The following C6orf132 variants were observed in gnomAD, a reference collection of about 807,000 sequenced individuals.
C6orf132 encodes uncharacterized protein C6orf132.
C6orf132 carries 43 observed loss-of-function variants against 65.3 expected under a neutral mutation model. The observed-to-expected ratio is 0.66, with a 90% confidence interval of 0.52 to 0.85. C6orf132 has a LOEUF of 0.85. Among genes scored for constraint, C6orf132 ranks in the 40% least tolerant of loss-of-function variants. The pLI is 0.00. For synonymous variants in C6orf132, 631 were observed against 654.1 expected, an observed-to-expected ratio of 0.96 and a Z score of 0.54; for missense variants, 1,488 against 1,548.8, an observed-to-expected ratio of 0.96 and a Z score of 0.66.
At chr6:42,115,739 A>G (rs555449614) in intron 2 of C6orf132, among the ~76,000 whole-genome samples, 1 of 152,244 alleles carries the variant, frequency 6.6e-6, no homozygotes, top group South Asian at 2.1e-4. Flanking sequence ...AAAACAGAAG[A>G]CAAGAAATCA....
At chr6:42,122,106 T>A (rs1322761075) in intron 2 of C6orf132, among the ~76,000 whole-genome samples, 2 of 152,182 alleles carry the variant, frequency 1.3e-5, no homozygotes, top group African/African-American at 4.8e-5. Context: ...CCCCACACTG[T>A]GCCACAGCTC....
At position 42,142,431 on chromosome 6, in the gene C6orf132, T is replaced by C; in HGVS notation, c.14A>G (p.Gln5Arg). ...TTTGCTGAAGGTGCCCTGCACCGTCTGCTTCTTTTTCATGCTGCCGCAGCC... is the reference window on the plus strand; with the variant it reads ...TTTGCTGAAGGTGCCCTGCACCGTCCGCTTCTTTTTCATGCTGCCGCAGCC... MKKK[Q>R]TVQGTFSKLF... Residue 5 changes from glutamine (Q) to arginine (R), a missense_variant, in exon 1 of 5, where the codon CAG (glutamine) becomes CGG (arginine). By Grantham distance (43) the Gln-to-Arg change is conservative. Transcript: ENST00000341865. 1 of 1,551,070 alleles carries C rather than the reference T, an allele frequency of 6.4e-7. No homozygotes were observed. The highest frequency in any genetic ancestry group is 8.7e-7 in the Non-Finnish European group (1 of 1,146,648).
intron 1 of C6orf132, among the ~76,000 whole-genome samples, chr6:42,131,277 T>A (rs548219636): frequency 2.2e-4 from 33 of 152,352 alleles, no homozygotes; most frequent in African/African-American, 7.9e-4. Context: ...CACCTCAGCA[T>A]CCCAAACTGC....
rs1766408222 is a variant in C6orf132 at position 42,106,415 on chromosome 6, C to G, written c.1497G>C (p.Gln499His). 6.5e-7 allele frequency: 1 copy of G among 1,535,986 alleles called. No homozygotes were observed. The highest frequency in any genetic ancestry group is 8.7e-7 in the Non-Finnish European group (1 of 1,146,848). The change falls in exon 4 of 5, where the codon CAG becomes CAC. Residue 499 changes from glutamine (Q) to histidine (H), a missense_variant. Physicochemically the swap from Gln to His is conservative, Grantham distance 24. Coordinates refer to ENST00000341865, the MANE Select transcript of C6orf132 (RefSeq NM_001164446.3). ...GGGGGCCCTTCTTGCCCTCCTTGCTCTGAGGGGCCACTGTTGGGCCTGGCC... is the reference window on the plus strand; with the variant it reads ...GGGGGCCCTTCTTGCCCTCCTTGCTGTGAGGGGCCACTGTTGGGCCTGGCC... The part of the protein sequence containing the change: ...SHRPGPTVAP[Q>H]SKEGKKGPRL...
intron 2 of C6orf132, among the ~76,000 whole-genome samples, chr6:42,119,394 G>T (rs1014761510): frequency 7.7e-6 from 1 of 129,900 alleles, no homozygotes; most frequent in Non-Finnish European, 1.6e-5. Context: ...GCCCCGGCTG[G>T]AGTTCAGTGG....
chr6:42,104,826 C>A lies in C6orf132; in HGVS notation c.3086G>T (p.Gly1029Val). 6.8e-7 allele frequency: 1 copy of A among 1,461,432 alleles called. No homozygotes were observed. 90.5% of individuals were successfully genotyped at this position (1,461,432 alleles called of 1,614,324 possible). ...CGAGAAGCCGAGAGCCGGGGGCGCC[C>A]CGGGGCCAGCGTTCGGGAGCTGCCT... ...DLRQLPNAGP[G>V]APPALGFSRF... The change falls in exon 4 of 5, where the codon GGG becomes GTG. Residue 1029 changes from glycine to valine, a missense_variant. Coordinates refer to ENST00000341865, the MANE Select transcript of C6orf132 (RefSeq NM_001164446.3). The surrounding 1 kb of genome is among the most constrained non-coding windows in gnomAD (Gnocchi z 4.1).
chr6:42,114,030 G>C (rs1409896538), intron 2 of C6orf132, among the ~76,000 whole-genome samples: 1 of 152,120 alleles, frequency 6.6e-6, no homozygotes, highest in African/African-American at 2.4e-5. Context: ...AGCACCTTCT[G>C]GGTTACCCTG....
intron 2 of C6orf132, among the ~76,000 whole-genome samples, chr6:42,120,073 A>C (rs1235375428): frequency 6.6e-6 from 1 of 151,820 alleles, no homozygotes; most frequent in Non-Finnish European, 1.5e-5. Context: ...CAGCCTGGGC[A>C]ACAAGAGCGA....
chr6:42,105,041 G>T lies in C6orf132; in HGVS notation c.2871C>A (p.Gly957=). Reference sequence around the variant, plus strand: ...AGGAGAAGGACTTGGGCAGCGGGTGGCCCTGGGGGAGGTTGGAGGGAGCTA... The same window carrying T: ...AGGAGAAGGACTTGGGCAGCGGGTGTCCCTGGGGGAGGTTGGAGGGAGCTA... ...ERVAPSNLPQ[G]HPLPKSFSSP... is the part of the protein sequence containing the mutation. Residue 957 remains glycine (G), a synonymous_variant, in exon 4 of 5, where the codon GGC becomes GGA. Transcript: ENST00000341865. 1 of 1,536,396 alleles carries T rather than the reference G, an allele frequency of 6.5e-7. No individual in the cohort carries two copies. Among genetic ancestry groups the T allele is most frequent in the Non-Finnish European group, 8.7e-7 (1 of 1,146,696 alleles).
intron 2 of C6orf132, 61 bp downstream of exon 2, chr6:42,128,611 G>T: frequency 7.5e-7 from 1 of 1,330,604 alleles, no homozygotes; most frequent in South Asian, 1.3e-5. Flanking sequence ...CTCGGGCTAG[G>T]GCAGCCTTGG....
At chr6:42,132,138 C>G (rs767096260) in intron 1 of C6orf132, among the ~76,000 whole-genome samples, 24 of 152,194 alleles carry the variant, frequency 1.6e-4, no homozygotes, top group Non-Finnish European at 2.9e-4. Flanking sequence ...GGAACAAAGT[C>G]TTGCCAACAC....
chr6:42,119,912 A>T (rs1378456778), intron 2 of C6orf132, among the ~76,000 whole-genome samples: 1 of 151,882 alleles, frequency 6.6e-6, no homozygotes, highest in Non-Finnish European at 1.5e-5. Context: ...CCTGACCAAC[A>T]TGGAGAAACT....
At chr6:42,136,381 C>G (rs916184439) in intron 1 of C6orf132, among the ~76,000 whole-genome samples, 1 of 152,124 alleles carries the variant, frequency 6.6e-6, no homozygotes, top group African/African-American at 2.4e-5. Context: ...CCCCAAATTG[C>G]CAGGAGCCCC....
chr6:42,106,729 G>T lies in C6orf132; in HGVS notation c.1183C>A (p.Pro395Thr). ...AGGGGGGGTGCAGGAGGGGGCAGGG[G>T]AGGGGCTGGAGGCGGAGTCCCAGCT... The part of the protein sequence containing the change: ...ERAGTPPPAP[P>T]LPPPAPPLPP... The change falls in exon 4 of 5, where the codon CCC (proline) becomes ACC (threonine). Residue 395 changes from proline to threonine, a missense_variant. By Grantham distance (38) the Pro-to-Thr change is conservative. Coordinates refer to ENST00000341865, the MANE Select transcript of C6orf132 (RefSeq NM_001164446.3). The T allele has an allele frequency of 1.4e-6, 2 of 1,388,166 alleles. No homozygotes were observed. The highest frequency in any genetic ancestry group is 9.8e-7 in the Non-Finnish European group (1 of 1,017,656). The allele number at this position is 1,388,166 out of a possible 1,614,324, so 86.0% of individuals were successfully genotyped here.
intron 3 of C6orf132, among the ~76,000 whole-genome samples, chr6:42,108,144 TCTTGCTGGGAC>T (rs1437967813): frequency 6.6e-6 from 1 of 152,202 alleles, no homozygotes; most frequent in Non-Finnish European, 1.5e-5. Context: ...GCCATCTGTT[TCTTGCTGGGAC>T]CTTGACCTTG....
rs1160795126 is a variant in C6orf132 at position 42,142,505 on chromosome 6, C to G, written c.-61G>C. On this transcript the variant is annotated 5_prime_UTR_variant, in exon 1 of 5. Transcript: ENST00000341865. ...TTCCCTCCCTCGCCCTGCCCTGCCCCGGACTGAACTCAGCACGGTCTCCCC... is the reference window on the plus strand; with the variant it reads ...TTCCCTCCCTCGCCCTGCCCTGCCCGGGACTGAACTCAGCACGGTCTCCCC... 4 of 1,493,162 alleles carry G rather than the reference C, an allele frequency of 2.7e-6. No homozygotes were observed. The highest frequency in any genetic ancestry group is 2.6e-5 in the East Asian group (1 of 38,684). The allele number at this position is 1,493,162 out of a possible 1,614,324, so 92.5% of individuals were successfully genotyped here. A position where few individuals can be genotyped will look rare whatever the true frequency, so the allele number is the denominator to read the frequency against.
intron 2 of C6orf132, among the ~76,000 whole-genome samples, chr6:42,118,908 C>T (rs1393635604): frequency 1.5e-5 from 2 of 129,536 alleles, no homozygotes; most frequent in Non-Finnish European, 3.1e-5. Context: ...TAGGATCTCA[C>T]TGTCACCCAA....
chr6:42,132,627 A>G (rs1766871573), intron 1 of C6orf132, among the ~76,000 whole-genome samples: 1 of 151,976 alleles, frequency 6.6e-6, no homozygotes, highest in South Asian at 2.1e-4. Context: ...AGGTGGGTGG[A>G]TCATGAAGTC....
intron 1 of C6orf132, among the ~76,000 whole-genome samples, chr6:42,132,812 G>T (rs1414638431): frequency 1.3e-5 from 2 of 148,408 alleles, no homozygotes; most frequent in Non-Finnish European, 3.0e-5. Context: ...AGCTGAGATT[G>T]TGCCAGTACA....
Sources: allele counts gnomAD v4.1 joint callset (sites outside exome capture counted in the v4.1 genomes callset), GRCh38; gene constraint gnomAD v4.1.1; non-coding constraint Gnocchi (gnomAD v3.1); transcripts MANE v1.5; gene names NCBI Gene and HGNC (gene_info 2026-07-23, HGNC 2026-07-21).